Variants in UBQLN1 observed in about 807,000 individuals in gnomAD.
The protein encoded by UBQLN1 is ubiquilin-1.
UBQLN1 carries 13 observed loss-of-function variants against 65.4 expected under a neutral mutation model. That is an observed-to-expected ratio of 0.20 (90% CI 0.13 to 0.32). The LOEUF (loss-of-function observed/expected upper bound fraction) is 0.32, where lower values mean the gene tolerates loss of function less well. Ranked by LOEUF, UBQLN1 falls within the 10% of genes least tolerant of loss-of-function variation. UBQLN1 has a pLI of 1.00. For synonymous variants in UBQLN1, 267 were observed against 247.8 expected (o/e 1.08, Z -0.73); for missense variants, 561 against 724.0 (o/e 0.77, Z 2.58).
At chr9:83,705,807 G>C (rs1246362299) in intron 1 of UBQLN1, among the ~76,000 whole-genome samples, 1 of 151,726 alleles carries the variant, frequency 6.6e-6, no homozygotes, top group Non-Finnish European at 1.5e-5. Context: ...CAACAAAGAC[G>C]AAACTCAAAA....
chr9:83,667,071 T>C (rs73648569), intron 7 of UBQLN1: 97 of 152,322 alleles, frequency 6.4e-4, no homozygotes, highest in African/African-American at 2.3e-3. Context: ...ACCTAAAAGA[T>C]GTAAATCCAT....
intron 4 of UBQLN1, among the ~76,000 whole-genome samples, chr9:83,679,049 T>A (rs761320356): frequency 2.0e-5 from 3 of 152,154 alleles, no homozygotes; most frequent in Admixed American, 2.0e-4. Context: ...ACCAGCCTCC[T>A]GCACTATGCC....
At chr9:83,681,221 C>T (rs970414025) in intron 3 of UBQLN1, among the ~76,000 whole-genome samples, 1 of 152,172 alleles carries the variant, frequency 6.6e-6, no homozygotes, top group Non-Finnish European at 1.5e-5. Context: ...AAGGAGAAAC[C>T]TAACAGAGCA....
chr9:83,687,516 G>A (rs147682329), intron 1 of UBQLN1, among the ~76,000 whole-genome samples: 1 of 152,276 alleles, frequency 6.6e-6, no homozygotes, highest in African/African-American at 2.4e-5. Context: ...AACAGATAAG[G>A]AAATTGCTGC....
chr9:83,669,239 G>A lies in UBQLN1; in HGVS notation c.1194C>T (p.Pro398=), dbSNP rs143607698. ...PQLMQNMLSA[P]YMRSMMQSLS... ...GTGACTGCATCATGCTTCTCATGTA[G>A]GGGGCAGACAACATGTTTTGCATCA... The change falls in exon 7 of 11, where the codon CCC becomes CCT. Residue 398 remains proline, a synonymous_variant. Coordinates refer to ENST00000376395, the MANE Select transcript of UBQLN1 (RefSeq NM_013438.5). 108 of 1,612,390 alleles carry A rather than the reference G, an allele frequency of 6.7e-5. No individual in the cohort carries two copies. The African/African-American group carries it at 1.3e-3, about 20-fold the overall frequency.
chr9:83,702,879 T>C (rs1025037584), intron 1 of UBQLN1, among the ~76,000 whole-genome samples: 9 of 152,208 alleles, frequency 5.9e-5, no homozygotes, highest in South Asian at 2.1e-4. Flanking sequence ...TGTCTAAGTA[T>C]ATTAATATTT....
chr9:83,686,325 G>A (rs3763626), intron 1 of UBQLN1, among the ~76,000 whole-genome samples, 170 bp from the exon 2 acceptor site: 10 of 152,064 alleles, frequency 6.6e-5, no homozygotes, highest in Non-Finnish European at 1.3e-4. Context: ...CCAGGAGTTC[G>A]AGGCTGCAGT....
In UBQLN1 at chr9:83,678,525, T is replaced by C. The variant is rs139495847; in HGVS notation, c.786A>G (p.Leu262=). The C allele has an allele frequency of 1.9e-5, 31 of 1,614,048 alleles. No homozygotes were observed. The African/African-American group carries it at 2.9e-4, about 15-fold the overall frequency. Residue 262 remains leucine, a synonymous_variant, in exon 5 of 11, where the codon CTA becomes CTG. Transcript: ENST00000376395. ...MRNQDRALSN[L]ESIPGGYNAL... is the part of the protein sequence containing the mutation. ...CATTATATCCCCCTGGGATGCTTTC[T>C]AGGTTGCTCAAAGCTCGGTCCTGGT... is the stretch of plus-strand genomic sequence containing the variant.
intron 1 of UBQLN1, among the ~76,000 whole-genome samples, chr9:83,695,945 T>A (rs11789565): frequency 0.13 from 19,739 of 152,080 alleles, 1,592 homozygotes; most frequent in Middle Eastern, 0.26. Flanking sequence ...CTTTTCAAAT[T>A]AATTTTTTTT....
chr9:83,687,128 G>T (rs1375485248), intron 1 of UBQLN1, among the ~76,000 whole-genome samples: 1 of 152,118 alleles, frequency 6.6e-6, no homozygotes, highest in African/African-American at 2.4e-5. Context: ...GCAGTCCAAT[G>T]AGAGTCAAGT....
intron 4 of UBQLN1, among the ~76,000 whole-genome samples, chr9:83,679,200 C>G (rs1313354605): frequency 6.6e-6 from 1 of 152,164 alleles, no homozygotes. Context: ...AGAAAGAGTT[C>G]CCTCCATTTT....
intron 2 of UBQLN1, 90 bp downstream of exon 2, chr9:83,685,912 CAG>C: frequency 8.8e-7 from 1 of 1,140,398 alleles, no homozygotes; most frequent in South Asian, 1.6e-5. Flanking sequence ...ATATTAATGA[CAG>C]GGAAAGTAAT....
At chr9:83,675,468 CA>C (rs56889142) in intron 6 of UBQLN1, among the ~76,000 whole-genome samples, 22,050 of 140,564 alleles carry the variant, frequency 0.16, 1,793 homozygotes, top group Middle Eastern at 0.27. Context: ...CCTATGCCGT[CA>C]AAAAAAAAAA....
chr9:83,676,147 G>A (rs1011061386), intron 6 of UBQLN1, among the ~76,000 whole-genome samples: 2 of 152,196 alleles, frequency 1.3e-5, no homozygotes, highest in Non-Finnish European at 2.9e-5. Flanking sequence ...ACATGTGTAT[G>A]TGTGCATATA....
rs1831552975 is a variant in UBQLN1, at chr9:83,660,937, C to G, written c.*850G>C. 2 of 152,452 alleles carry G rather than the reference C, an allele frequency of 1.3e-5. No homozygotes were observed. 9.4% of individuals were successfully genotyped at this position (152,452 alleles called of 1,614,324 possible). On this transcript the variant is annotated 3_prime_UTR_variant, in exon 11 of 11. Coordinates refer to ENST00000376395, the MANE Select transcript of UBQLN1 (RefSeq NM_013438.5). Reference sequence around the variant, plus strand: ...CCTGTTAAACTACCTATGGGAGAAGCTGAGAAGTCCTAGGCAAATGCACTT... The same window carrying G: ...CCTGTTAAACTACCTATGGGAGAAGGTGAGAAGTCCTAGGCAAATGCACTT...
chr9:83,678,501 A>G lies in UBQLN1; in HGVS notation c.810T>C (p.Asn270=). 6.2e-7 allele frequency: 1 copy of G among 1,614,068 alleles called. No homozygotes were observed. The highest frequency in any genetic ancestry group is 8.5e-7 in the Non-Finnish European group (1 of 1,179,980). ...SNLESIPGGY[N]ALRRMYTDIQ... ...TATCTGTGTACATGCGCCTTAAAGC[A>G]TTATATCCCCCTGGGATGCTTTCTA... The change falls in exon 5 of 11, where the codon AAT becomes AAC. Residue 270 remains asparagine (N), a synonymous_variant. Transcript: ENST00000376395.
rs776349691 is a variant in UBQLN1 at position 83,665,055 on chromosome 9, T to C, written c.1423A>G (p.Thr475Ala). Residue 475 changes from threonine to alanine, a missense_variant, in exon 9 of 11, where the codon ACG becomes GCG. Transcript: ENST00000376395. ...QIQQGLQTLA[T>A]EAPGLIPGFT... ...CCTGGGATGAGGCCCGGGGCTTCCG[T>C]TGCTAATGTCTGTAAACCCTGCTGA... 17 of 1,613,638 alleles carry C rather than the reference T, an allele frequency of 1.1e-5. No homozygotes were observed. The highest frequency in any genetic ancestry group is 2.2e-5 in the East Asian group (1 of 44,886).
Position 83,707,858 on chromosome 9 carries a change from G to T in UBQLN1, c.-179C>A. The T allele has an allele frequency of 1.1e-6, 1 of 925,846 alleles. No homozygotes were observed. Among genetic ancestry groups the T allele is most frequent in the Non-Finnish European group, 1.5e-6 (1 of 660,982 alleles). The allele number at this position is 925,846 out of a possible 1,614,324, so 57.4% of individuals were successfully genotyped here. A position where few individuals can be genotyped will look rare whatever the true frequency, so the allele number is the denominator to read the frequency against. ...GTGTGGGGCCCCGGAGCTCGGTGCA[G>T]GCTCTGGCGCAGGCCCGGGTCAGGC... On this transcript the variant is annotated 5_prime_UTR_variant, in exon 1 of 11. It adds an upstream start codon to the 5' untranslated region. Transcript: ENST00000376395.
At chr9:83,684,810 CA>C (rs199680794) in intron 2 of UBQLN1, among the ~76,000 whole-genome samples, 2,389 of 64,202 alleles carry the variant, frequency 0.037, 28 homozygotes, top group Middle Eastern at 0.081. Flanking sequence ...AATTCCGTCT[CA>C]AAAAAAAAAA....
Sources: allele counts gnomAD v4.1 joint callset (sites outside exome capture counted in the v4.1 genomes callset), GRCh38; gene constraint gnomAD v4.1.1; transcripts MANE v1.5; gene names NCBI Gene and HGNC (gene_info 2026-07-23, HGNC 2026-07-21).